The following IKZF2 variants were observed in gnomAD, a reference collection of about 807,000 sequenced individuals.
IKZF2 encodes the protein IKAROS family zinc finger 2.
A neutral mutation model predicts 49.2 loss-of-function variants in IKZF2; 15 were observed. That is an observed-to-expected ratio of 0.30 (90% CI 0.20 to 0.47). The LOEUF (loss-of-function observed/expected upper bound fraction) is 0.47, where lower values mean the gene tolerates loss of function less well. IKZF2 is among the 20% of genes least tolerant of loss of function. IKZF2 has a pLI of 1.00. For missense variants in IKZF2, 567 were observed against 664.6 expected (o/e 0.85, Z 1.61); for synonymous variants, 227 against 221.4 (o/e 1.03, Z -0.23).
intron 5 of IKZF2, among the ~76,000 whole-genome samples, chr2:213,054,890 A>G (rs993675126): frequency 6.6e-6 from 1 of 152,146 alleles, no homozygotes; most frequent in Non-Finnish European, 1.5e-5. Context: ...CCACACTAGT[A>G]AATAACAAAA....
At chr2:213,053,013 T>C (rs1700817650) in intron 5 of IKZF2, among the ~76,000 whole-genome samples, 1 of 152,162 alleles carries the variant, frequency 6.6e-6, no homozygotes, top group African/African-American at 2.4e-5. Context: ...ACTGCATCAA[T>C]GTGCCCTTTT....
intron 4 of IKZF2, among the ~76,000 whole-genome samples, chr2:213,123,691 G>A (rs1186819211): frequency 6.6e-6 from 1 of 152,064 alleles, no homozygotes; most frequent in Admixed American, 6.6e-5. Context: ...GGTTTGGTTT[G>A]GTTTGGTTTT....
chr2:213,063,126 G>A (rs1701859129), intron 4 of IKZF2, among the ~76,000 whole-genome samples: 3 of 151,910 alleles, frequency 2.0e-5, no homozygotes, highest in Admixed American at 1.3e-4. Context: ...TTTTATAAAC[G>A]GTGGGACATG....
chr2:213,068,104 G>A (rs1702323077), intron 4 of IKZF2, among the ~76,000 whole-genome samples: 1 of 152,046 alleles, frequency 6.6e-6, no homozygotes, highest in South Asian at 2.1e-4. Context: ...TGATGACTAT[G>A]CACCATAGAA....
In IKZF2 at chr2:213,119,932, T is replaced by G. The variant is rs138985803; in HGVS notation, c.139+27776A>C. 3.3e-5 allele frequency among the ~76,000 whole-genome samples: 5 copies of G among 152,324 alleles called. No homozygotes were observed. The East Asian group carries it at 7.7e-4, about 23-fold the overall frequency. On this transcript the variant is annotated intron_variant, in intron 4 of 8. Coordinates refer to ENST00000434687, the MANE Select transcript of IKZF2 (RefSeq NM_001387220.1). ...CTTTAGTGAGATAGTATCTGTTTGT[T>G]TGGAGAAAAGAATTTGCTGTTGAAG...
chr2:213,132,439 T>G (rs540037448), intron 4 of IKZF2, among the ~76,000 whole-genome samples: 1 of 152,282 alleles, frequency 6.6e-6, no homozygotes, highest in African/African-American at 2.4e-5. Context: ...ATGTGTACTC[T>G]AATGTGAAAT....
At chr2:213,131,831 T>C (rs2060481960) in intron 4 of IKZF2, among the ~76,000 whole-genome samples, 1 of 152,138 alleles carries the variant, frequency 6.6e-6, no homozygotes, top group African/African-American at 2.4e-5. Flanking sequence ...ATCTGAATAA[T>C]AATGTCTGGA....
At chr2:213,141,187 A>G (rs1375284676) in intron 4 of IKZF2, among the ~76,000 whole-genome samples, 3 of 151,992 alleles carry the variant, frequency 2.0e-5, no homozygotes, top group Admixed American at 1.3e-4. Context: ...AAGATGCTAA[A>G]TATTACCTAG....
At chr2:213,073,959 C>A (rs193277730) in intron 4 of IKZF2, among the ~76,000 whole-genome samples, 20 of 152,206 alleles carry the variant, frequency 1.3e-4, no homozygotes, top group African/African-American at 4.8e-4. Flanking sequence ...TTCCCTGGTC[C>A]CTTGAATGTA....
chr2:213,091,884 CTGTG>C (rs140812184), intron 4 of IKZF2, among the ~76,000 whole-genome samples: 3 of 149,734 alleles, frequency 2.0e-5, no homozygotes, highest in African/African-American at 4.9e-5. Context: ...AGAGTATAAG[CTGTG>C]TGTGTGTGTG....
At chr2:213,036,977 T>C (rs1372359950) in intron 6 of IKZF2, among the ~76,000 whole-genome samples, 1 of 152,086 alleles carries the variant, frequency 6.6e-6, no homozygotes, top group Admixed American at 6.5e-5. Flanking sequence ...CAGTGTGTCA[T>C]GCCCTTCTGG....
At chr2:213,109,280 C>G (rs923475983) in intron 4 of IKZF2, among the ~76,000 whole-genome samples, 1 of 151,838 alleles carries the variant, frequency 6.6e-6, no homozygotes, top group South Asian at 2.1e-4. Context: ...ATCCACCTCC[C>G]CTTTATTTTA....
intron 6 of IKZF2, among the ~76,000 whole-genome samples, chr2:213,047,240 C>T (rs1031303105): frequency 6.6e-6 from 1 of 152,110 alleles, no homozygotes; most frequent in African/African-American, 2.4e-5. Context: ...AAGACAAATA[C>T]AATTAGCGCA....
intron 4 of IKZF2, among the ~76,000 whole-genome samples, chr2:213,103,972 T>G (rs935217572): frequency 1.5e-4 from 23 of 152,114 alleles, no homozygotes; most frequent in African/African-American, 5.6e-4. Flanking sequence ...TAAAAAGATT[T>G]TTAGTATTCA....
At chr2:213,077,729 A>T (rs1276582216) in intron 4 of IKZF2, among the ~76,000 whole-genome samples, 1 of 151,408 alleles carries the variant, frequency 6.6e-6, no homozygotes, top group Non-Finnish European at 1.5e-5. Context: ...CTGGGACTAC[A>T]GGCGCCCGCC....
At position 213,004,293 on chromosome 2, in the gene IKZF2, G is replaced by C. The variant is rs1320005332; in HGVS notation, c.*3067C>G. The C allele has an allele frequency of 6.6e-6, 1 of 151,584 alleles. No individual in the cohort carries two copies. The highest frequency in any genetic ancestry group is 1.5e-5 in the Non-Finnish European group (1 of 67,786). 9.4% of individuals were successfully genotyped at this position (151,584 alleles called of 1,614,324 possible). A position where few individuals can be genotyped will look rare whatever the true frequency, so the allele number is the denominator to read the frequency against. On this transcript the variant is annotated 3_prime_UTR_variant, in exon 9 of 9. Coordinates refer to ENST00000434687, the MANE Select transcript of IKZF2 (RefSeq NM_001387220.1). ...TATTTTCCCAATTTTGTCCCTTTAG[G>C]AAATCTCAATGGAATATTTCAATGA...
At chr2:213,090,081 G>A (rs1482588249) in intron 4 of IKZF2, among the ~76,000 whole-genome samples, 1 of 152,140 alleles carries the variant, frequency 6.6e-6, no homozygotes. Flanking sequence ...ACAACAAAGG[G>A]TCTTTGCCAA....
chr2:213,119,644 T>C (rs557016516), intron 4 of IKZF2, among the ~76,000 whole-genome samples: 53 of 152,192 alleles, frequency 3.5e-4, no homozygotes, highest in Non-Finnish European at 7.1e-4. Context: ...GCTACAGACA[T>C]ATCCATCTTA....
chr2:213,058,916 T>A (rs547817796), intron 4 of IKZF2, among the ~76,000 whole-genome samples: 1 of 152,014 alleles, frequency 6.6e-6, no homozygotes, highest in East Asian at 1.9e-4. Context: ...GCAACCAGTA[T>A]CATAATTTTC....
Sources: gnomAD v4.1 joint callset for allele counts (sites outside exome capture counted in the v4.1 genomes callset) on GRCh38, gnomAD v4.1.1 for gene constraint, MANE v1.5 for transcripts, NCBI Gene and HGNC (gene_info 2026-07-23, HGNC 2026-07-21) for gene names.